ARFIP1: variants seen among roughly 807,000 people sequenced by gnomAD.
ARFIP1 encodes the protein arfaptin-1.
ARFIP1 carries 24 observed loss-of-function variants against 42.5 expected under a neutral mutation model. The observed-to-expected ratio is 0.57, with a 90% CI of 0.41 to 0.80. The LOEUF (loss-of-function observed/expected upper bound fraction) is 0.80. ARFIP1 is among the 30% of genes least tolerant of loss of function. The pLI is 0.00. For synonymous variants in ARFIP1, 141 were observed against 153.7 expected (o/e 0.92, Z 0.61); for missense variants, 354 against 434.0 (o/e 0.82, Z 1.64).
chr4:152,824,501 G>A (rs145997081), intron 1 of ARFIP1, among the ~76,000 whole-genome samples: 2,415 of 152,130 alleles, frequency 0.016, 61 homozygotes, highest in African/African-American at 0.055. Context: ...ATCCCTTTAT[G>A]ATAAAAACCC....
In ARFIP1 at chr4:152,888,257, A is replaced by G; in HGVS notation, c.916A>G (p.Lys306Glu). 6.2e-7 allele frequency: 1 copy of G among 1,610,138 alleles called. No individual in the cohort carries two copies. Among genetic ancestry groups the G allele is most frequent in the South Asian group, 1.1e-5 (1 of 90,436 alleles). ...CCAAGCACATAAGGAAAAATATGAT[A>G]AAATGCGCAATGATGTTTCTGTCAA... ...LFQAHKEKYD[K>E]MRNDVSVKLK... The change falls in exon 8 of 9, where the codon AAA becomes GAA. Residue 306 changes from lysine to glutamate, a missense_variant. Coordinates refer to ENST00000353617, the MANE Select transcript of ARFIP1 (RefSeq NM_001025595.3).
At chr4:152,898,866 C>T (rs1489687717) in intron 8 of ARFIP1, among the ~76,000 whole-genome samples, 1 of 152,136 alleles carries the variant, frequency 6.6e-6, no homozygotes, top group Non-Finnish European at 1.5e-5. Context: ...CTTCTTGAAG[C>T]ACAGCATACT....
chr4:152,819,378 A>G (rs4380505), intron 1 of ARFIP1, among the ~76,000 whole-genome samples: 40,872 of 152,118 alleles, frequency 0.27, 6,940 homozygotes, highest in Non-Finnish European at 0.37. Flanking sequence ...TCAGAAAGGC[A>G]ACACACTAAG....
At chr4:152,872,212 G>A (rs1028345568) in intron 4 of ARFIP1, among the ~76,000 whole-genome samples, 3 of 152,066 alleles carry the variant, frequency 2.0e-5, no homozygotes, top group Non-Finnish European at 2.9e-5. Flanking sequence ...TTGTTTGTTT[G>A]TTTGTTTAAA....
chr4:152,812,426 C>T (rs370149568), intron 1 of ARFIP1, among the ~76,000 whole-genome samples: 70 of 152,314 alleles, frequency 4.6e-4, no homozygotes, highest in African/African-American at 1.6e-3. Flanking sequence ...CTCCTGGGCT[C>T]AGGCCATTCT....
intron 1 of ARFIP1, among the ~76,000 whole-genome samples, chr4:152,822,876 A>G (rs4629429): frequency 0.17 from 26,605 of 152,200 alleles, 2,476 homozygotes; most frequent in African/African-American, 0.23. Context: ...TAACAGTGAA[A>G]CAAGTTTTCA....
At chr4:152,904,412 G>C (rs1390623157) in intron 8 of ARFIP1, among the ~76,000 whole-genome samples, 1 of 151,810 alleles carries the variant, frequency 6.6e-6, no homozygotes, top group Non-Finnish European at 1.5e-5. Flanking sequence ...GGATGGTCTT[G>C]AACTCCAGAC....
intron 2 of ARFIP1, among the ~76,000 whole-genome samples, chr4:152,831,934 C>T (rs1048334174): frequency 2.0e-5 from 3 of 151,604 alleles, no homozygotes; most frequent in Non-Finnish European, 4.4e-5. Context: ...TCCCTTTGCC[C>T]CCCACCCCCC....
intron 1 of ARFIP1, among the ~76,000 whole-genome samples, chr4:152,787,114 T>C (rs1329511071): frequency 6.6e-6 from 1 of 152,218 alleles, no homozygotes; most frequent in Non-Finnish European, 1.5e-5. Context: ...TTTTGGCTCA[T>C]TTTTGAATCC....
intron 2 of ARFIP1, among the ~76,000 whole-genome samples, chr4:152,853,852 T>A (rs922787810): frequency 4.6e-5 from 7 of 151,960 alleles, no homozygotes; most frequent in Non-Finnish European, 1.0e-4. Flanking sequence ...TTTTATTCTT[T>A]ATTTTTTTCT....
At chr4:152,795,373 C>G (rs913433099) in intron 1 of ARFIP1, among the ~76,000 whole-genome samples, 3 of 152,128 alleles carry the variant, frequency 2.0e-5, no homozygotes, top group Non-Finnish European at 4.4e-5. Flanking sequence ...CCCACAGTTG[C>G]ATAACTTGGA....
At chr4:152,796,368 C>T in intron 1 of ARFIP1, 1 of 721,086 alleles carries the variant, frequency 1.4e-6, no homozygotes, top group Non-Finnish European at 2.5e-6. Context: ...CTTGTAAAGA[C>T]ATCTCTAGCA....
chr4:152,842,961 G>C (rs1212960892), intron 2 of ARFIP1, among the ~76,000 whole-genome samples: 1 of 152,182 alleles, frequency 6.6e-6, no homozygotes, highest in East Asian at 1.9e-4. Flanking sequence ...TGGTGAACTT[G>C]TGTGATTTTT....
At chr4:152,825,105 A>T (rs193024766) in intron 1 of ARFIP1, among the ~76,000 whole-genome samples, 92 of 152,264 alleles carry the variant, frequency 6.0e-4, no homozygotes, top group African/African-American at 2.2e-3. Context: ...AATACATTCC[A>T]TAAGAATCTG....
chr4:152,823,068 A>G (rs932225397), intron 1 of ARFIP1, among the ~76,000 whole-genome samples: 1 of 152,234 alleles, frequency 6.6e-6, no homozygotes, highest in African/African-American at 2.4e-5. Flanking sequence ...ATTAAATGAA[A>G]TTGAAACAAA....
At position 152,857,133 on chromosome 4, in the gene ARFIP1, T is replaced by G. The variant is rs145627525; in HGVS notation, c.94-6473T>G. Among the ~76,000 whole-genome samples the G allele has an allele frequency of 5.9e-5, 9 of 152,348 alleles. No homozygotes were observed. In the East Asian group the frequency reaches 1.7e-3, roughly 29 times the overall value. On this transcript the variant is annotated intron_variant, in intron 2 of 8. Coordinates refer to ENST00000353617, the MANE Select transcript of ARFIP1 (RefSeq NM_001025595.3). ...TTCTTTTTGACTCTCTAAGTGTTCT[T>G]TAAAACAATATGTAGTTGAAGGGCG... is the stretch of plus-strand genomic sequence containing the variant.
intron 8 of ARFIP1, among the ~76,000 whole-genome samples, chr4:152,903,466 A>C (rs1738017698): frequency 6.6e-6 from 1 of 151,854 alleles, no homozygotes; most frequent in South Asian, 2.1e-4. Flanking sequence ...TAAATTTTAT[A>C]CTTCATTTCC....
At chr4:152,841,524 G>A (rs887818714) in intron 2 of ARFIP1, among the ~76,000 whole-genome samples, 1 of 152,122 alleles carries the variant, frequency 6.6e-6, no homozygotes, top group Non-Finnish European at 1.5e-5. Flanking sequence ...CTGTTTTGAT[G>A]TGTTTCCAGT....
At chr4:152,844,160 G>T (rs1179817551) in intron 2 of ARFIP1, among the ~76,000 whole-genome samples, 1 of 152,186 alleles carries the variant, frequency 6.6e-6, no homozygotes, top group East Asian at 1.9e-4. Context: ...GGTAAAATCA[G>T]AAACTTCTCC....
Sources: allele counts gnomAD v4.1 joint callset (sites outside exome capture counted in the v4.1 genomes callset), GRCh38; gene constraint gnomAD v4.1.1; transcripts MANE v1.5; gene names NCBI Gene and HGNC (gene_info 2026-07-23, HGNC 2026-07-21).